Variants in SUPT5H observed in about 807,000 individuals in gnomAD.
The protein encoded by SUPT5H is SPT5 homolog, DSIF elongation factor subunit.
A neutral mutation model predicts 142.5 loss-of-function variants in SUPT5H; 24 were observed. The observed-to-expected ratio is 0.17, with a 90% CI of 0.12 to 0.24. The LOEUF (loss-of-function observed/expected upper bound fraction) is 0.24, where lower values mean the gene tolerates loss of function less well. Ranked by LOEUF, SUPT5H falls within the 10% of genes least tolerant of loss-of-function variation. The pLI is 1.00. For missense variants in SUPT5H, 893 were observed against 1,471.8 expected (o/e 0.61, Z 6.43); for synonymous variants, 546 against 553.0 (o/e 0.99, Z 0.18).
At position 39,474,459 on chromosome 19, in the gene SUPT5H, T is replaced by C. The variant is rs200574115; in HGVS notation, c.2821-56T>C. ...GTGGGCTAGGGTGACTTTGGGCATA[T>C]AGGGTCGGCCAGGCCAGATGACTAT... is the stretch of plus-strand genomic sequence containing the variant. On this transcript the variant is annotated intron_variant, in intron 27 of 29. Coordinates refer to ENST00000432763, the MANE Select transcript of SUPT5H (RefSeq NM_001111020.3). The surrounding 1 kb of genome is among the most constrained non-coding windows in gnomAD (Gnocchi z 6.5). 1.9e-6 allele frequency: 3 copies of C among 1,610,778 alleles called. No individual in the cohort carries two copies. The highest frequency in any genetic ancestry group is 1.1e-5 in the South Asian group (1 of 90,946).
intron 13 of SUPT5H, chr19:39,468,164 G>C (rs1171589615): frequency 1.3e-5 from 2 of 152,836 alleles, no homozygotes; most frequent in Middle Eastern, 3.2e-3. Context: ...GGAGCTGCAG[G>C]CTTGGGAGTC....
intron 2 of SUPT5H, among the ~76,000 whole-genome samples, chr19:39,452,592 A>G (rs1461475197): frequency 6.6e-6 from 1 of 152,200 alleles, no homozygotes; most frequent in Non-Finnish European, 1.5e-5. Context: ...CCACAGAATT[A>G]GCAACAGGGG....
intron 4 of SUPT5H, 163 bp downstream of exon 4, chr19:39,457,903 T>G: frequency 5.1e-6 from 6 of 1,175,234 alleles, no homozygotes; most frequent in Non-Finnish European, 6.0e-6. Context: ...CCCTGCTTTT[T>G]CCTTTTAGGC....
Position 39,473,855 on chromosome 19 carries a change from C to G in SUPT5H, c.2493-108C>G. 1 of 1,461,370 alleles carries G rather than the reference C, an allele frequency of 6.8e-7. No homozygotes were observed. The allele number at this position is 1,461,370 out of a possible 1,614,324, so 90.5% of individuals were successfully genotyped here. On this transcript the variant is annotated intron_variant, in intron 25 of 29. Transcript: ENST00000432763. The surrounding 1 kb of genome is among the most constrained non-coding windows in gnomAD (Gnocchi z 5.8). ...TCAGGAGTGCCTCTGGATGGGGCTC[C>G]CGTGAGAATGAAATTGCTTCAGTTG... is the stretch of plus-strand genomic sequence containing the variant.
rs1600705073 is a variant in SUPT5H, at chr19:39,458,075, C to T, written c.308-219C>T. 1.7e-5 allele frequency: 14 copies of T among 812,054 alleles called. No individual in the cohort carries two copies. Among genetic ancestry groups the T allele is most frequent in the South Asian group, 1.6e-4 (9 of 55,970 alleles). 50.3% of individuals were successfully genotyped at this position (812,054 alleles called of 1,614,324 possible). A position where few individuals can be genotyped will look rare whatever the true frequency, so the allele number is the denominator to read the frequency against. ...GTGCCCCCCTTTCCCCGTTATTTTC[C>T]GTTCTGTGCGCCTCATACATTTCGG... On this transcript the variant is annotated intron_variant, in intron 4 of 29. Transcript: ENST00000432763. The surrounding 1 kb of genome is among the most constrained non-coding windows in gnomAD (Gnocchi z 4.2).
Position 39,474,493 on chromosome 19 carries a change from A to T in SUPT5H, c.2821-22A>T. On this transcript the variant is annotated intron_variant, in intron 27 of 29. Coordinates refer to ENST00000432763, the MANE Select transcript of SUPT5H (RefSeq NM_001111020.3). The surrounding 1 kb of genome is among the most constrained non-coding windows in gnomAD (Gnocchi z 6.5). ...CCAGGCCAGATGACTATTCCCAATG[A>T]CACTTCCTCTTTCCCCTGCAGGCTA... 1 of 1,613,036 alleles carries T rather than the reference A, an allele frequency of 6.2e-7. No homozygotes were observed. Among genetic ancestry groups the T allele is most frequent in the South Asian group, 1.1e-5 (1 of 91,046 alleles).
At chr19:39,453,965 A>G (rs1160509143) in intron 3 of SUPT5H, among the ~76,000 whole-genome samples, 2 of 152,308 alleles carry the variant, frequency 1.3e-5, no homozygotes, top group East Asian at 1.9e-4. Flanking sequence ...TAGGATTCCA[A>G]AGAGGACAAT....
chr19:39,463,117 A>G (rs2079187816), intron 10 of SUPT5H, among the ~76,000 whole-genome samples: 2 of 150,798 alleles, frequency 1.3e-5, no homozygotes, highest in Admixed American at 6.6e-5. Context: ...CAGCCTCCCA[A>G]AGTGCTGGGA....
chr19:39,456,216 C>A (rs1367558938), intron 3 of SUPT5H, among the ~76,000 whole-genome samples: 1 of 151,138 alleles, frequency 6.6e-6, no homozygotes, highest in African/African-American at 2.4e-5. Context: ...TGTGCCCAGA[C>A]CTTTTTTTTT....
chr19:39,449,336 G>C (rs374315662), intron 2 of SUPT5H, among the ~76,000 whole-genome samples: 1 of 152,152 alleles, frequency 6.6e-6, no homozygotes, highest in Non-Finnish European at 1.5e-5. Flanking sequence ...GAGGGGAACT[G>C]ATGACAAGGT....
Position 39,457,682 on chromosome 19 carries a change from C to T in SUPT5H, c.249C>T (p.Asp83=), listed in dbSNP as rs1278434480. The T allele has an allele frequency of 9.9e-6, 16 of 1,613,608 alleles. No homozygotes were observed. The highest frequency in any genetic ancestry group is 8.3e-5 in the Admixed American group (5 of 59,986). The part of the protein sequence containing the change: ...GGFILDEADV[D]DEYEDEDQWE... Reference sequence around the variant, plus strand: ...TTGGCCTTTCCGTTTTAGATGTTGACGATGAGTATGAGGACGAGGACCAGT... The same window carrying T: ...TTGGCCTTTCCGTTTTAGATGTTGATGATGAGTATGAGGACGAGGACCAGT... The change falls in exon 4 of 30, where the codon GAC becomes GAT. Residue 83 remains aspartate, a synonymous_variant. Coordinates refer to ENST00000432763, the MANE Select transcript of SUPT5H (RefSeq NM_001111020.3).
In SUPT5H at chr19:39,474,262, G is replaced by A; in HGVS notation, c.2680G>A (p.Ala894Thr). 1 of 1,613,742 alleles carries A rather than the reference G, an allele frequency of 6.2e-7. No individual in the cohort carries two copies. Among genetic ancestry groups the A allele is most frequent in the Non-Finnish European group, 8.5e-7 (1 of 1,179,932 alleles). Reference protein sequence around the residue: ...MYNTDQFSPYAAPSPQGSYQP... With the variant: ...MYNTDQFSPYTAPSPQGSYQP... The stretch of plus-strand genomic sequence containing the variant: ...CAACACAGACCAGTTCTCTCCCTAT[G>A]CTGCCCCCTCCCCACAAGGTTCCTA... Residue 894 changes from alanine (A) to threonine (T), a missense_variant, in exon 27 of 30, where the codon GCT (alanine) becomes ACT (threonine). Coordinates refer to ENST00000432763, the MANE Select transcript of SUPT5H (RefSeq NM_001111020.3). This position sits in a 1 kb window ranked among gnomAD's most constrained non-coding sequence, Gnocchi z 6.5.
intron 2 of SUPT5H, among the ~76,000 whole-genome samples, chr19:39,446,764 G>T (rs4803237): frequency 0.6 from 91,350 of 152,050 alleles, 28,306 homozygotes; most frequent in African/African-American, 0.75. Flanking sequence ...TCTCAGCACT[G>T]TGGGAGGCCA....
rs764485296 is a variant in SUPT5H at position 39,470,538 on chromosome 19, C to T, written c.1677+15C>T. Reference sequence around the variant, plus strand: ...AGACCTTCCAGGTGTGTGTGTTGTGCTCTGTGGCGGGGACTTGCTTTTAGG... The same window carrying T: ...AGACCTTCCAGGTGTGTGTGTTGTGTTCTGTGGCGGGGACTTGCTTTTAGG... On this transcript the variant is annotated intron_variant, in intron 18 of 29. Coordinates refer to ENST00000432763, the MANE Select transcript of SUPT5H (RefSeq NM_001111020.3). This position sits in a 1 kb window ranked among gnomAD's most constrained non-coding sequence, Gnocchi z 5.8. The T allele has an allele frequency of 2.0e-6, 3 of 1,517,914 alleles. No individual in the cohort carries two copies. Among genetic ancestry groups the T allele is most frequent in the Non-Finnish European group, 2.7e-6 (3 of 1,129,168 alleles). The allele number at this position is 1,517,914 out of a possible 1,614,324, so 94.0% of individuals were successfully genotyped here. A position where few individuals can be genotyped will look rare whatever the true frequency, so the allele number is the denominator to read the frequency against.
chr19:39,464,415 AGTG>A (rs1484439688), intron 10 of SUPT5H, among the ~76,000 whole-genome samples: 11 of 152,008 alleles, frequency 7.2e-5, no homozygotes, highest in Admixed American at 7.2e-4. Context: ...GCTGGAGTGC[AGTG>A]GTGCGATCTC....
At position 39,464,392 on chromosome 19, in the gene SUPT5H, CTCTGT is replaced by C. The variant is rs370089399; in HGVS notation, c.625-404_625-400del. ...TTTATTTTTAAGAGACAGGGTTTCA[CTCTGT>C]TGCCCAGGCTGGAGTGCAGTGGTGC... On this transcript the variant is annotated intron_variant, in intron 10 of 29. Coordinates refer to ENST00000432763, the MANE Select transcript of SUPT5H (RefSeq NM_001111020.3). Among the ~76,000 whole-genome samples the C allele has an allele frequency of 2.2e-4, 32 of 147,956 alleles. No individual in the cohort carries two copies. In the South Asian group the frequency reaches 6.9e-3, roughly 32 times the overall value.
chr19:39,459,678 C>T (rs1379246098), intron 9 of SUPT5H, 89 bp downstream of exon 9: 1 of 1,539,068 alleles, frequency 6.5e-7, no homozygotes, highest in Non-Finnish European at 8.9e-7. Flanking sequence ...TCCCGGGTCT[C>T]CGTGGCCTGC....
intron 10 of SUPT5H, among the ~76,000 whole-genome samples, chr19:39,460,824 A>G (rs987470981): frequency 6.6e-6 from 1 of 152,200 alleles, no homozygotes; most frequent in Non-Finnish European, 1.5e-5. Context: ...TTTGGGAACC[A>G]GGGCAAACGC....
At chr19:39,464,743 C>T in intron 10 of SUPT5H, 55 bp from the exon 11 acceptor site, 1 of 1,538,708 alleles carries the variant, frequency 6.5e-7, no homozygotes, top group Non-Finnish European at 8.8e-7. Context: ...GCAGTCATTT[C>T]TGTTATTAGC....
Sources: gnomAD v4.1 joint callset for allele counts (sites outside exome capture counted in the v4.1 genomes callset) on GRCh38, gnomAD v4.1.1 for gene constraint, Gnocchi (gnomAD v3.1) non-coding constraint, MANE v1.5 for transcripts, NCBI Gene and HGNC (gene_info 2026-07-23, HGNC 2026-07-21) for gene names.